EVI2B: variants seen among roughly 807,000 people sequenced by gnomAD.
The protein encoded by EVI2B is protein EVI2B.
EVI2B carries 4 observed loss-of-function variants against 6.6 expected under a neutral mutation model. The observed-to-expected ratio is 0.61, with a 90% CI of 0.30 to 1.39. The LOEUF (loss-of-function observed/expected upper bound fraction) is 1.39. Ranked by LOEUF, EVI2B falls within the 40% of genes most tolerant of loss-of-function variation. EVI2B has a pLI of 0.08. For missense variants in EVI2B, 484 were observed against 516.6 expected (o/e 0.94, Z 0.61); for synonymous variants, 181 against 186.8 (o/e 0.97, Z 0.25).
At chr17:31,308,634 TC>T (rs201784581) in intron 1 of EVI2B, among the ~76,000 whole-genome samples, 1 of 108,056 alleles carries the variant, frequency 9.3e-6, no homozygotes, top group Admixed American at 8.5e-5. Context: ...TCAAGGGTGT[TC>T]TTTTTTTTTT....
intron 1 of EVI2B, among the ~76,000 whole-genome samples, chr17:31,311,936 G>A (rs1482611678): frequency 1.3e-5 from 2 of 152,046 alleles, no homozygotes; most frequent in Admixed American, 1.3e-4. Flanking sequence ...TTAGATAAAG[G>A]GTAGGAAAGA....
chr17:31,308,694 A>G (rs971763521), intron 1 of EVI2B, among the ~76,000 whole-genome samples: 1 of 151,780 alleles, frequency 6.6e-6, no homozygotes, highest in African/African-American at 2.4e-5. Flanking sequence ...GCATATCTGA[A>G]TCTGTCCTCA....
In EVI2B at chr17:31,304,796, G is replaced by T. The variant is rs1597800275; in HGVS notation, c.814C>A (p.Leu272Ile). ...ISTKRTSIIS[L>I]TPWKPSKSTL... is the part of the protein sequence containing the mutation. ...CTTTTGCTTGGTTTCCAGGGTGTAAGTGAAATGATTGATGTACGTTTTGTG... is the reference window on the plus strand; with the variant it reads ...CTTTTGCTTGGTTTCCAGGGTGTAATTGAAATGATTGATGTACGTTTTGTG... Residue 272 changes from leucine to isoleucine, a missense_variant, in exon 2 of 2, where the codon CTT becomes ATT. Physicochemically the swap from Leu to Ile is conservative, Grantham distance 5 (BLOSUM62 2). Coordinates refer to ENST00000330927, the MANE Select transcript of EVI2B (RefSeq NM_006495.4). The T allele has an allele frequency of 1.1e-5, 18 of 1,613,990 alleles. No individual in the cohort carries two copies. Among genetic ancestry groups the T allele is most frequent in the Non-Finnish European group, 1.5e-5 (18 of 1,180,004 alleles).
chr17:31,304,533 T>C lies in EVI2B; in HGVS notation c.1077A>G (p.Thr359=), dbSNP rs747839271. Residue 359 remains threonine, a synonymous_variant, in exon 2 of 2, where the codon ACA becomes ACG. Transcript: ENST00000330927. The part of the protein sequence containing the change: ...GQESNQSDKP[T]MTIVSPLPND... Reference sequence around the variant, plus strand: ...TTGGAAGAGGAGATACAATTGTCATTGTGGGTTTGTCAGATTGGTTACTTT... The same window carrying C: ...TTGGAAGAGGAGATACAATTGTCATCGTGGGTTTGTCAGATTGGTTACTTT... 2.5e-6 allele frequency: 4 copies of C among 1,614,078 alleles called. No homozygotes were observed. Among genetic ancestry groups the C allele is most frequent in the Non-Finnish European group, 3.4e-6 (4 of 1,180,034 alleles).
chr17:31,306,808 A>G (rs1211168456), intron 1 of EVI2B, among the ~76,000 whole-genome samples: 4 of 151,846 alleles, frequency 2.6e-5, no homozygotes, highest in Non-Finnish European at 5.9e-5. Flanking sequence ...AAAAAAAAAA[A>G]AAAAAGATAG....
At chr17:31,306,109 CT>C (rs2068714181) in intron 1 of EVI2B, among the ~76,000 whole-genome samples, 1 of 152,152 alleles carries the variant, frequency 6.6e-6, no homozygotes, top group Non-Finnish European at 1.5e-5. Flanking sequence ...CTCCCCTCCC[CT>C]CCTTGACCAC....
chr17:31,310,646 T>A lies in EVI2B; in HGVS notation c.-22+3333A>T, dbSNP rs190405244. On this transcript the variant is annotated intron_variant, in intron 1 of 1. Coordinates refer to ENST00000330927, the MANE Select transcript of EVI2B (RefSeq NM_006495.4). ...CCTTACCATCCTCTCCCTTTTTTTTTCCCTGACACTATCCAGAAGCATACC... is the reference window on the plus strand; with the variant it reads ...CCTTACCATCCTCTCCCTTTTTTTTACCCTGACACTATCCAGAAGCATACC... Among the ~76,000 whole-genome samples, 718 of 152,212 alleles carry A rather than the reference T, an allele frequency of 4.7e-3. 7 individuals are homozygous for A. The highest frequency in any genetic ancestry group is 7.5e-3 in the Non-Finnish European group (512 of 68,006).
intron 1 of EVI2B, among the ~76,000 whole-genome samples, chr17:31,311,299 A>T (rs2068869628): frequency 1.3e-5 from 2 of 152,124 alleles, no homozygotes; most frequent in South Asian, 4.1e-4. Context: ...TAAAGGGTCC[A>T]GCATTTAAAA....
intron 1 of EVI2B, among the ~76,000 whole-genome samples, chr17:31,313,090 T>G (rs2068922203): frequency 6.6e-6 from 1 of 152,156 alleles, no homozygotes; most frequent in Non-Finnish European, 1.5e-5. Context: ...ATGTCATCAT[T>G]ATTAAATATA....
Position 31,304,487 on chromosome 17 carries a change from G to A in EVI2B, c.1123C>T (p.Pro375Ser), listed in dbSNP as rs1367928063. 3.1e-6 allele frequency: 5 copies of A among 1,614,196 alleles called. No individual in the cohort carries two copies. Among genetic ancestry groups the A allele is most frequent in the Non-Finnish European group, 4.2e-6 (5 of 1,180,024 alleles). ...TCTTGATTGAGACAGTCCAGAGATGGAGGGAGACTAGTAGAATCATTTGGA... is the reference window on the plus strand; with the variant it reads ...TCTTGATTGAGACAGTCCAGAGATGAAGGGAGACTAGTAGAATCATTTGGA... ...PLPNDSTSLP[P>S]SLDCLNQDCG... Residue 375 changes from proline (P) to serine (S), a missense_variant, in exon 2 of 2, where the codon CCA (proline) becomes TCA (serine). Transcript: ENST00000330927.
chr17:31,310,209 A>G (rs931487960), intron 1 of EVI2B, among the ~76,000 whole-genome samples: 11 of 152,182 alleles, frequency 7.2e-5, no homozygotes, highest in Non-Finnish European at 1.3e-4. Context: ...AATAAAAAGG[A>G]GATTTAGAAT....
chr17:31,308,255 A>G (rs1348942255), intron 1 of EVI2B, among the ~76,000 whole-genome samples: 1 of 151,762 alleles, frequency 6.6e-6, no homozygotes, highest in Non-Finnish European at 1.5e-5. Context: ...CTTGTGCCTC[A>G]TCCTCCCGAG....
At chr17:31,311,076 A>G (rs926229288) in intron 1 of EVI2B, among the ~76,000 whole-genome samples, 1 of 151,594 alleles carries the variant, frequency 6.6e-6, no homozygotes, top group African/African-American at 2.4e-5. Context: ...CAGCTTCCCT[A>G]AAGAAGTTAG....
chr17:31,306,393 T>C (rs1333840131), intron 1 of EVI2B, among the ~76,000 whole-genome samples: 1 of 152,158 alleles, frequency 6.6e-6, no homozygotes, highest in Non-Finnish European at 1.5e-5. Context: ...CCATATTTTA[T>C]ATATATAGAT....
chr17:31,309,196 T>G (rs1405241464), intron 1 of EVI2B, among the ~76,000 whole-genome samples: 1 of 152,222 alleles, frequency 6.6e-6, no homozygotes, highest in Non-Finnish European at 1.5e-5. Context: ...CTGCTACCCT[T>G]TATTGCCTCA....
In EVI2B at chr17:31,304,906, T is replaced by G. The variant is rs1187926876; in HGVS notation, c.704A>C (p.Asp235Ala). The change falls in exon 2 of 2, where the codon GAT (aspartate) becomes GCT (alanine). Residue 235 changes from aspartate (D) to alanine (A), a missense_variant. By Grantham distance (126) the Asp-to-Ala change is moderately radical. Coordinates refer to ENST00000330927, the MANE Select transcript of EVI2B (RefSeq NM_006495.4). ...WKCLRKPVLN[D>A]QNWAGRSPFA... is the part of the protein sequence containing the mutation. The stretch of plus-strand genomic sequence containing the variant: ...TGGAGATCTACCTGCCCAATTTTGA[T>G]CATTTAAAACTGGTTTCCTTAAGCA... The G allele has an allele frequency of 5.6e-6, 9 of 1,614,170 alleles. No homozygotes were observed. Among genetic ancestry groups the G allele is most frequent in the Non-Finnish European group, 7.6e-6 (9 of 1,180,026 alleles).
In EVI2B at chr17:31,305,098, G is replaced by A. The variant is rs1177522391; in HGVS notation, c.512C>T (p.Thr171Ile). ...CCTAGGTGAATTTTTGACAGTTGAT[G>A]TTGGTTGTGTGGATGGATTATGAAC... ...ITVHNPSTQP[T>I]STVKNSPRST... The change falls in exon 2 of 2, where the codon ACA becomes ATA. Residue 171 changes from threonine (T) to isoleucine (I), a missense_variant. Coordinates refer to ENST00000330927, the MANE Select transcript of EVI2B (RefSeq NM_006495.4). 11 of 1,614,202 alleles carry A rather than the reference G, an allele frequency of 6.8e-6. No homozygotes were observed. Among genetic ancestry groups the A allele is most frequent in the East Asian group, 2.2e-5 (1 of 44,888 alleles).
rs747334578 is a variant in EVI2B, at chr17:31,305,164, T to G, written c.446A>C (p.Gln149Pro). 2 of 1,614,154 alleles carry G rather than the reference T, an allele frequency of 1.2e-6. No individual in the cohort carries two copies. The highest frequency in any genetic ancestry group is 1.7e-6 in the Non-Finnish European group (2 of 1,180,038). ...AGAAGGGATCTGGACAGATGATGATTGTTGAGTAAAAGTATAGACAAATGA... is the reference window on the plus strand; with the variant it reads ...AGAAGGGATCTGGACAGATGATGATGGTTGAGTAAAAGTATAGACAAATGA... ...PKSFVYTFTQQSSSVQIPSRK... is the reference protein window; with the variant it reads ...PKSFVYTFTQPSSSVQIPSRK... The change falls in exon 2 of 2, where the codon CAA becomes CCA. Residue 149 changes from glutamine (Q) to proline (P), a missense_variant. Coordinates refer to ENST00000330927, the MANE Select transcript of EVI2B (RefSeq NM_006495.4).
chr17:31,313,432 G>A lies in EVI2B; in HGVS notation c.-22+547C>T, dbSNP rs17886652. Among the ~76,000 whole-genome samples, 103 of 151,966 alleles carry A rather than the reference G, an allele frequency of 6.8e-4. 1 individual carries two copies. The highest frequency in any genetic ancestry group is 2.3e-3 in the African/African-American group (97 of 41,428). ...AACAAATATGATTGTGGCTGGGAGCGGTGGCTCACTCCTGTAATCCCAGCA... is the reference window on the plus strand; with the variant it reads ...AACAAATATGATTGTGGCTGGGAGCAGTGGCTCACTCCTGTAATCCCAGCA... On this transcript the variant is annotated intron_variant, in intron 1 of 1. Transcript: ENST00000330927.
Sources: gnomAD v4.1 joint callset for allele counts (sites outside exome capture counted in the v4.1 genomes callset) on GRCh38, gnomAD v4.1.1 for gene constraint, MANE v1.5 for transcripts, NCBI Gene and HGNC (gene_info 2026-07-23, HGNC 2026-07-21) for gene names.